The following TMEM255B variants were observed in gnomAD, a reference collection of about 807,000 sequenced individuals.
TMEM255B encodes family with sequence similarity 70, member B.
TMEM255B carries 35 observed loss-of-function variants against 34.5 expected under a neutral mutation model. The ratio of observed to expected loss-of-function variants is 1.01; its 90% CI spans 0.77 to 1.34. The LOEUF (loss-of-function observed/expected upper bound fraction) is 1.34. TMEM255B is among the 40% of genes most tolerant of loss of function. The probability of loss-of-function intolerance (pLI) is 0.00; values close to 1 mark genes in which losing one functional copy is unlikely to be tolerated. For synonymous variants in TMEM255B, 206 were observed against 201.2 expected, an observed-to-expected ratio of 1.02 and a Z score of -0.20; for missense variants, 432 against 433.2, an observed-to-expected ratio of 1.00 and a Z score of 0.02.
chr13:113,777,516 G>A (rs535176238), intron 3 of TMEM255B, among the ~76,000 whole-genome samples: 11 of 152,286 alleles, frequency 7.2e-5, no homozygotes, highest in South Asian at 2.1e-4. Context: ...CGGTGGCCCC[G>A]GCTGTGTCTC....
chr13:113,796,220 G>A (rs1202020234), intron 4 of TMEM255B, among the ~76,000 whole-genome samples: 1 of 124,616 alleles, frequency 8.0e-6, no homozygotes, highest in Non-Finnish European at 1.7e-5. Flanking sequence ...AGAGCACACA[G>A]CACACACACA....
At chr13:113,805,120 T>G in intron 8 of TMEM255B, 92 bp downstream of exon 8, 1 of 1,343,266 alleles carries the variant, frequency 7.4e-7, no homozygotes, top group Non-Finnish European at 9.7e-7. Context: ...GATGAGGTCT[T>G]GCAGCCGCCT....
intron 3 of TMEM255B, among the ~76,000 whole-genome samples, chr13:113,782,558 C>T (rs780638773): frequency 3.9e-5 from 6 of 152,244 alleles, no homozygotes; most frequent in Non-Finnish European, 7.4e-5. Context: ...TACCGGATAC[C>T]GTCCCAGTTA....
rs1329476604 is a variant in TMEM255B, at chr13:113,770,836, G to A, written c.252+1676G>A. ...TCTTCAGAGTCTGGAGCTGCTTGGT[G>A]CCTGTAGGGAGTTGGGTGGGCCTGA... is the stretch of plus-strand genomic sequence containing the variant. On this transcript the variant is annotated intron_variant, in intron 3 of 8. Coordinates refer to ENST00000375353, the MANE Select transcript of TMEM255B (RefSeq NM_182614.4). The surrounding 1 kb of genome is among the most constrained non-coding windows in gnomAD (Gnocchi z 4.6). Among the ~76,000 whole-genome samples, 1 of 152,130 alleles carries A rather than the reference G, an allele frequency of 6.6e-6. No individual in the cohort carries two copies. The highest frequency in any genetic ancestry group is 1.9e-4 in the East Asian group (1 of 5,178).
In TMEM255B at chr13:113,803,520, C is replaced by T. The variant is rs979176657; in HGVS notation, c.670-1365C>T. ...GAGCCAGCCTCTCAGGGGCCTCCTC[C>T]GCGTGTGACTCCGTGGCCCCCGTGT... is the stretch of plus-strand genomic sequence containing the variant. On this transcript the variant is annotated intron_variant, in intron 7 of 8. Coordinates refer to ENST00000375353, the MANE Select transcript of TMEM255B (RefSeq NM_182614.4). Among the ~76,000 whole-genome samples the T allele has an allele frequency of 4.3e-4, 64 of 148,160 alleles. 4 individuals carry two copies. The highest frequency in any genetic ancestry group is 1.5e-3 in the African/African-American group (61 of 40,604).
chr13:113,766,850 G>A (rs1227500276), intron 2 of TMEM255B, among the ~76,000 whole-genome samples: 2 of 152,228 alleles, frequency 1.3e-5, no homozygotes, highest in Admixed American at 6.5e-5. Context: ...ACAGTAAGGC[G>A]GCGAGGTAAA....
chr13:113,810,833 G>C (rs1325914376), intron 8 of TMEM255B, among the ~76,000 whole-genome samples: 1 of 152,258 alleles, frequency 6.6e-6, no homozygotes, highest in East Asian at 1.9e-4. Flanking sequence ...CAGCCACGGT[G>C]ACACTGAACC....
At chr13:113,786,355 T>A (rs2050740856) in intron 3 of TMEM255B, among the ~76,000 whole-genome samples, 1 of 150,978 alleles carries the variant, frequency 6.6e-6, no homozygotes, top group African/African-American at 2.4e-5. Flanking sequence ...CTGTCGTCAC[T>A]GTAATTACCG....
intron 3 of TMEM255B, among the ~76,000 whole-genome samples, chr13:113,784,067 G>A (rs991047858): frequency 1.3e-5 from 2 of 152,008 alleles, no homozygotes; most frequent in African/African-American, 4.8e-5. Flanking sequence ...GTTTGAATTG[G>A]GCCAGGCCGT....
At chr13:113,771,647 C>T (rs2050480201) in intron 3 of TMEM255B, among the ~76,000 whole-genome samples, 2 of 152,076 alleles carry the variant, frequency 1.3e-5, no homozygotes, top group Admixed American at 1.3e-4. Flanking sequence ...CCATTGCACT[C>T]CAGCCTGGGT....
chr13:113,759,397 G>C, intron 1 of TMEM255B, 82 bp downstream of exon 1: 1 of 1,189,178 alleles, frequency 8.4e-7, no homozygotes, highest in Non-Finnish European at 1.1e-6. Context: ...GTCCCCGGCC[G>C]GCCCGGGCGG....
intron 4 of TMEM255B, among the ~76,000 whole-genome samples, chr13:113,798,665 A>G (rs1028111441): frequency 1.3e-5 from 2 of 150,552 alleles, no homozygotes; most frequent in Non-Finnish European, 3.0e-5. Context: ...GGAAGGATGG[A>G]TAATGGATGG....
chr13:113,807,895 C>T (rs1038492386), intron 8 of TMEM255B, among the ~76,000 whole-genome samples: 7 of 152,122 alleles, frequency 4.6e-5, no homozygotes, highest in Admixed American at 4.6e-4. Flanking sequence ...TCCACTTCAT[C>T]CCCATGGTGC....
chr13:113,778,662 G>A (rs9604514), intron 3 of TMEM255B, among the ~76,000 whole-genome samples: 4 of 149,956 alleles, frequency 2.7e-5, no homozygotes, highest in Admixed American at 6.6e-5. Flanking sequence ...GTACTGTGGC[G>A]TCTTCTCCTG....
At chr13:113,761,120 G>A (rs1181159483) in intron 1 of TMEM255B, 2 of 924,264 alleles carry the variant, frequency 2.2e-6, no homozygotes, top group East Asian at 1.2e-4. Context: ...AGTTTTACCT[G>A]GGATTGTTAC....
intron 4 of TMEM255B, among the ~76,000 whole-genome samples, chr13:113,798,356 G>A (rs1211846171): frequency 1.3e-5 from 2 of 152,044 alleles, no homozygotes; most frequent in African/African-American, 4.8e-5. Flanking sequence ...GATGGATGTG[G>A]ATGAATAGAA....
Position 113,800,841 on chromosome 13 carries a change from C to G in TMEM255B, c.438C>G (p.Ser146=). The G allele has an allele frequency of 6.2e-7, 1 of 1,608,468 alleles. No homozygotes were observed. Among genetic ancestry groups the G allele is most frequent in the South Asian group, 1.1e-5 (1 of 89,782 alleles). Residue 146 remains serine, a synonymous_variant, in exon 6 of 9, where the codon TCC becomes TCG. Transcript: ENST00000375353. ...DVYQTEVTCH[S]LDGKCQLKVR... is the part of the protein sequence containing the mutation. The stretch of plus-strand genomic sequence containing the variant: ...CTCTGCCCCAGGTCACCTGTCACTC[C>G]CTGGACGGCAAGTGCCAGCTGAAGG...
At chr13:113,797,576 T>C (rs966400767) in intron 4 of TMEM255B, among the ~76,000 whole-genome samples, 1 of 152,194 alleles carries the variant, frequency 6.6e-6, no homozygotes, top group Non-Finnish European at 1.5e-5. Context: ...CTCATGTCTG[T>C]CCCCTCAGGG....
intron 1 of TMEM255B, among the ~76,000 whole-genome samples, chr13:113,762,105 GAA>G (rs11290901): frequency 8.1e-5 from 12 of 147,688 alleles, no homozygotes; most frequent in African/African-American, 2.5e-4. Context: ...TCCGGGACAG[GAA>G]AAAAAAAAAA....
Sources: gnomAD v4.1 joint callset for allele counts (sites outside exome capture counted in the v4.1 genomes callset) on GRCh38, gnomAD v4.1.1 for gene constraint, Gnocchi (gnomAD v3.1) non-coding constraint, MANE v1.5 for transcripts, NCBI Gene and HGNC (gene_info 2026-07-23, HGNC 2026-07-21) for gene names.